Variants in SIPA1L2 observed in about 807,000 individuals in gnomAD.
The protein encoded by SIPA1L2 is signal induced proliferation associated 1 like 2, also known as signal-induced proliferation-associated 1-like protein 2.
In SIPA1L2, 56 loss-of-function variants were observed where a neutral mutation model predicts 163.9. The ratio of observed to expected loss-of-function variants is 0.34; its 90% confidence interval spans 0.28 to 0.43. The LOEUF (loss-of-function observed/expected upper bound fraction) is 0.43. Among genes scored for constraint, SIPA1L2 ranks in the 20% least tolerant of loss-of-function variants. The probability of loss-of-function intolerance (pLI) is 1.00; values close to 1 mark genes in which losing one functional copy is unlikely to be tolerated. For synonymous variants in SIPA1L2, 877 were observed against 865.7 expected (o/e 1.01, Z -0.23); for missense variants, 1,974 against 2,193.5 (o/e 0.90, Z 2.00).
intron 10 of SIPA1L2, among the ~76,000 whole-genome samples, chr1:232,455,313 C>T (rs4649262): frequency 5.3e-5 from 8 of 152,080 alleles, no homozygotes; most frequent in South Asian, 2.1e-4. Context: ...GACACACGCA[C>T]GCATATGTTC....
At position 232,404,147 on chromosome 1, in the gene SIPA1L2, G is replaced by C; in HGVS notation, c.4794C>G (p.Leu1598=). ...GLDSDEELGL[L]CHHTSYLDQR... ...CACCTAGATAGGACGTGTGGTGACAGAGCAGCCCCAGTTCTTCATCTGAGT... is the reference window on the plus strand; with the variant it reads ...CACCTAGATAGGACGTGTGGTGACACAGCAGCCCCAGTTCTTCATCTGAGT... Residue 1598 remains leucine (L), a synonymous_variant, in exon 20 of 23, where the codon CTC becomes CTG. Coordinates refer to ENST00000674635, the MANE Select transcript of SIPA1L2 (RefSeq NM_020808.5). 3 of 1,614,142 alleles carry C rather than the reference G, an allele frequency of 1.9e-6. No homozygotes were observed. The highest frequency in any genetic ancestry group is 2.5e-6 in the Non-Finnish European group (3 of 1,180,024).
intron 3 of SIPA1L2, among the ~76,000 whole-genome samples, chr1:232,506,007 A>T (rs1435112181): frequency 6.6e-6 from 1 of 152,152 alleles, no homozygotes; most frequent in African/African-American, 2.4e-5. Flanking sequence ...TCAGCAGTGA[A>T]GTTCATTTGA....
In SIPA1L2 at chr1:232,564,149, CGTGTGT is replaced by C. The variant is rs560949113; in HGVS notation, c.-270+10019_-270+10024del. Among the ~76,000 whole-genome samples the C allele has an allele frequency of 0.048, 2,124 of 44,612 alleles. 415 individuals carry two copies. The East Asian group carries it at 0.51, about 11-fold the overall frequency. The allele number at this position is 44,612 out of a possible 152,430, so 29.3% of individuals were successfully genotyped here. A position where few individuals can be genotyped will look rare whatever the true frequency, so the allele number is the denominator to read the frequency against. ...GACGAAGGTTGTTTTTTTTTTTTTT[CGTGTGT>C]GTGTGTGTGTGTGTGTGTGTGTGTG... On this transcript the variant is annotated intron_variant, in intron 2 of 22. Transcript: ENST00000674635.
chr1:232,536,178 T>C (rs1159462592), intron 2 of SIPA1L2, among the ~76,000 whole-genome samples: 1 of 152,212 alleles, frequency 6.6e-6, no homozygotes, highest in Non-Finnish European at 1.5e-5. Context: ...CAAGTCTATG[T>C]TATCTAAAAG....
chr1:232,481,811 A>G (rs1386679330), intron 6 of SIPA1L2, among the ~76,000 whole-genome samples: 1 of 152,192 alleles, frequency 6.6e-6, no homozygotes, highest in African/African-American at 2.4e-5. Flanking sequence ...GAGAAAACCC[A>G]TTTCAGAGCT....
intron 2 of SIPA1L2, among the ~76,000 whole-genome samples, chr1:232,520,930 C>G (rs184017516): frequency 2.0e-5 from 3 of 152,286 alleles, no homozygotes; most frequent in Admixed American, 2.0e-4. Context: ...CATTAACTCA[C>G]ATTCCTATTA....
chr1:232,612,728 T>A (rs1662311025), intron 1 of SIPA1L2, among the ~76,000 whole-genome samples: 1 of 152,190 alleles, frequency 6.6e-6, no homozygotes, highest in Non-Finnish European at 1.5e-5. Context: ...AAGGAACTTG[T>A]ATTGTCTCAG....
chr1:232,582,293 C>CTCCT (rs1660422480), intron 1 of SIPA1L2, among the ~76,000 whole-genome samples: 1 of 152,056 alleles, frequency 6.6e-6, no homozygotes, highest in African/African-American at 2.4e-5. Context: ...ACCCCATCCT[C>CTCCT]TCCTTCCTTC....
chr1:232,571,689 C>A (rs1435205655), intron 2 of SIPA1L2, among the ~76,000 whole-genome samples: 1 of 152,190 alleles, frequency 6.6e-6, no homozygotes, highest in Non-Finnish European at 1.5e-5. Flanking sequence ...TTAGCACCGT[C>A]CCCTTGGGGT....
intron 11 of SIPA1L2, among the ~76,000 whole-genome samples, chr1:232,445,001 T>C (rs988824103): frequency 2.0e-5 from 3 of 152,256 alleles, no homozygotes; most frequent in African/African-American, 4.8e-5. Flanking sequence ...CAGCTTCCAA[T>C]GGTACTGGAT....
At chr1:232,462,561 T>C in intron 9 of SIPA1L2, 1 of 361,756 alleles carries the variant, frequency 2.8e-6, no homozygotes, top group Non-Finnish European at 5.0e-6. Flanking sequence ...AGGGGACTGC[T>C]GGTTTTAGTT....
At chr1:232,493,111 T>G (rs1006915629) in intron 4 of SIPA1L2, among the ~76,000 whole-genome samples, 4 of 152,144 alleles carry the variant, frequency 2.6e-5, no homozygotes, top group Non-Finnish European at 4.4e-5. Flanking sequence ...TTTAAAAGTG[T>G]GTGGCCCTTC....
intron 1 of SIPA1L2, among the ~76,000 whole-genome samples, chr1:232,574,748 T>A (rs943684431): frequency 2.6e-5 from 4 of 152,170 alleles, no homozygotes; most frequent in African/African-American, 9.7e-5. Flanking sequence ...AAACCAAAAA[T>A]TTTGAAAACT....
intron 10 of SIPA1L2, among the ~76,000 whole-genome samples, chr1:232,449,964 G>A (rs1663473031): frequency 6.6e-6 from 1 of 152,176 alleles, no homozygotes; most frequent in Non-Finnish European, 1.5e-5. Flanking sequence ...TTGGGACAGA[G>A]AAAGAGAAAA....
At chr1:232,584,447 T>C (rs1043065472) in intron 1 of SIPA1L2, among the ~76,000 whole-genome samples, 1 of 152,202 alleles carries the variant, frequency 6.6e-6, no homozygotes, top group African/African-American at 2.4e-5. Flanking sequence ...ATGGTCTCGA[T>C]AGAGACCGTG....
intron 3 of SIPA1L2, among the ~76,000 whole-genome samples, chr1:232,502,884 A>G (rs1666550912): frequency 6.6e-6 from 1 of 152,254 alleles, no homozygotes; most frequent in Non-Finnish European, 1.5e-5. Context: ...CCATTAGGAC[A>G]TACAGAGACT....
intron 19 of SIPA1L2, among the ~76,000 whole-genome samples, chr1:232,405,962 C>T (rs1660609609): frequency 6.6e-6 from 1 of 152,162 alleles, no homozygotes; most frequent in Admixed American, 6.5e-5. Context: ...AAACAGGGTC[C>T]TACTGGTCAG....
chr1:232,415,542 T>C lies in SIPA1L2; in HGVS notation c.4714A>G (p.Thr1572Ala). The part of the protein sequence containing the change: ...PGLMPLPDTA[T>A]GLDWTHLVDA... Reference sequence around the variant, plus strand: ...ACGAGGTGGGTCCAATCTAACCCTGTGGCTGTGTCCGGGAGGGGCATCAGG... The same window carrying C: ...ACGAGGTGGGTCCAATCTAACCCTGCGGCTGTGTCCGGGAGGGGCATCAGG... The change falls in exon 19 of 23, where the codon ACA (threonine) becomes GCA (alanine). Residue 1572 changes from threonine to alanine, a missense_variant. Transcript: ENST00000674635. 1.2e-6 allele frequency: 2 copies of C among 1,613,876 alleles called. No homozygotes were observed. The highest frequency in any genetic ancestry group is 1.7e-6 in the Non-Finnish European group (2 of 1,179,890).
chr1:232,455,077 T>C (rs1419695380), intron 10 of SIPA1L2, among the ~76,000 whole-genome samples: 1 of 152,206 alleles, frequency 6.6e-6, no homozygotes, highest in African/African-American at 2.4e-5. Flanking sequence ...TCTATAATCC[T>C]ATGTTCTTAC....
Sources: allele counts gnomAD v4.1 joint callset (sites outside exome capture counted in the v4.1 genomes callset), GRCh38; gene constraint gnomAD v4.1.1; transcripts MANE v1.5; gene names NCBI Gene and HGNC (gene_info 2026-07-23, HGNC 2026-07-21).